The following LRRC49 variants were observed in gnomAD, a reference collection of about 807,000 sequenced individuals.
LRRC49 encodes the protein leucine rich repeat containing 49, also known as leucine-rich repeat-containing protein 49.
Under a neutral mutation model 83.3 loss-of-function variants are expected in LRRC49, and 50 were observed. That is an observed-to-expected ratio of 0.60 (90% CI 0.48 to 0.76). LRRC49 has a LOEUF of 0.76. Ranked by LOEUF, LRRC49 falls within the 30% of genes least tolerant of loss-of-function variation. The pLI is 0.00. For missense variants in LRRC49, 704 were observed against 809.1 expected, an observed-to-expected ratio of 0.87 and a Z score of 1.58; for synonymous variants, 286 against 283.3, an observed-to-expected ratio of 1.01 and a Z score of -0.10.
At chr15:70,864,800 C>T (rs1031894818) in intron 1 of LRRC49, among the ~76,000 whole-genome samples, 1 of 152,120 alleles carries the variant, frequency 6.6e-6, no homozygotes, top group African/African-American at 2.4e-5. Flanking sequence ...ATCTCAGTTT[C>T]AGTTTGGGTT....
intron 1 of LRRC49, chr15:70,859,776 A>G (rs1749977026): frequency 1.4e-6 from 1 of 738,860 alleles, no homozygotes; most frequent in Non-Finnish European, 2.5e-6. Flanking sequence ...AAGCTGTCCG[A>G]GCTGGAGGCC....
At chr15:70,965,012 C>G (rs2036744812) in intron 9 of LRRC49, among the ~76,000 whole-genome samples, 1 of 152,164 alleles carries the variant, frequency 6.6e-6, no homozygotes, top group East Asian at 1.9e-4. Flanking sequence ...GGTTCTGCCT[C>G]TCTCTCTATT....
intron 8 of LRRC49, among the ~76,000 whole-genome samples, chr15:70,955,938 T>A (rs1170165015): frequency 6.6e-6 from 1 of 152,190 alleles, no homozygotes; most frequent in Non-Finnish European, 1.5e-5. Flanking sequence ...GCTTGATGAT[T>A]TATTCTATTG....
At chr15:70,905,481 GAAAA>G (rs889323963) in intron 5 of LRRC49, among the ~76,000 whole-genome samples, 4 of 151,600 alleles carry the variant, frequency 2.6e-5, no homozygotes, top group African/African-American at 9.7e-5. Context: ...CTCGTTGCAG[GAAAA>G]AAAAGTATTA....
intron 15 of LRRC49, among the ~76,000 whole-genome samples, chr15:71,038,342 A>G (rs1007491651): frequency 1.3e-5 from 2 of 152,006 alleles, no homozygotes; most frequent in African/African-American, 4.8e-5. Flanking sequence ...ACAGTTTTGG[A>G]CCTCTTTATT....
intron 7 of LRRC49, among the ~76,000 whole-genome samples, chr15:70,930,334 T>A (rs2141148258): frequency 6.6e-6 from 1 of 152,216 alleles, no homozygotes; most frequent in South Asian, 2.1e-4. Context: ...GAAAGGAAAA[T>A]TTTTTCCTGA....
intron 2 of LRRC49, among the ~76,000 whole-genome samples, chr15:70,886,694 C>T (rs1430103010): frequency 1.3e-5 from 2 of 151,832 alleles, no homozygotes; most frequent in Non-Finnish European, 2.9e-5. Flanking sequence ...GGTGAAACCC[C>T]ATCACTACTA....
chr15:71,009,757 A>G (rs779219880), intron 12 of LRRC49, 50 bp from the exon 13 acceptor site: 4 of 1,260,016 alleles, frequency 3.2e-6, no homozygotes, highest in South Asian at 1.5e-5. Context: ...TAATATTTCA[A>G]TATGGTTAAA....
chr15:70,986,562 C>T (rs1388839881), intron 11 of LRRC49, among the ~76,000 whole-genome samples: 1 of 152,196 alleles, frequency 6.6e-6, no homozygotes, highest in Non-Finnish European at 1.5e-5. Flanking sequence ...TCTAGATATA[C>T]AATCATGTCA....
At chr15:70,867,910 G>C (rs2032946769) in intron 1 of LRRC49, among the ~76,000 whole-genome samples, 1 of 152,146 alleles carries the variant, frequency 6.6e-6, no homozygotes. Context: ...AGAGGTTGTG[G>C]GGTGAGGTGC....
intron 6 of LRRC49, among the ~76,000 whole-genome samples, chr15:70,915,020 A>T (rs1023572800): frequency 1.3e-5 from 2 of 152,236 alleles, no homozygotes; most frequent in African/African-American, 4.8e-5. Flanking sequence ...GCTTTCCAAC[A>T]TTCCCATCAT....
chr15:70,945,796 G>A (rs2035988320), intron 8 of LRRC49, among the ~76,000 whole-genome samples: 1 of 151,970 alleles, frequency 6.6e-6, no homozygotes, highest in Non-Finnish European at 1.5e-5. Flanking sequence ...TCCATAAGGA[G>A]GATACTTCTG....
chr15:71,035,292 G>T (rs1291761453), intron 14 of LRRC49, among the ~76,000 whole-genome samples: 5 of 151,904 alleles, frequency 3.3e-5, no homozygotes, highest in African/African-American at 9.7e-5. Flanking sequence ...AAAATTTATA[G>T]AAGAAGTTTG....
chr15:70,925,341 G>A (rs1244819065), intron 7 of LRRC49, among the ~76,000 whole-genome samples: 1 of 152,092 alleles, frequency 6.6e-6, no homozygotes, highest in Non-Finnish European at 1.5e-5. Flanking sequence ...TTTAATATTA[G>A]TGAGACAAAT....
At chr15:70,917,390 C>T (rs753010879) in intron 6 of LRRC49, among the ~76,000 whole-genome samples, 1 of 152,208 alleles carries the variant, frequency 6.6e-6, no homozygotes, top group Admixed American at 6.5e-5. Flanking sequence ...TTCCTCTACC[C>T]TGAAGCCCAT....
chr15:70,892,497 G>A, upstream of LRRC49: 1 of 1,527,030 alleles, frequency 6.5e-7, no homozygotes, highest in Non-Finnish European at 8.8e-7. Flanking sequence ...TGCTCCCCAG[G>A]AGCCAGTGGA....
upstream of LRRC49, among the ~76,000 whole-genome samples, chr15:70,887,474 A>G (rs2033440746): frequency 6.6e-6 from 1 of 152,152 alleles, no homozygotes; most frequent in Admixed American, 6.5e-5. Flanking sequence ...ACATTTTAAA[A>G]CCAATCAATA....
At chr15:70,894,152 T>C (rs2033720991) in intron 2 of LRRC49, among the ~76,000 whole-genome samples, 1 of 152,216 alleles carries the variant, frequency 6.6e-6, no homozygotes, top group East Asian at 1.9e-4. Flanking sequence ...TGCTTTGGCC[T>C]CCCAAAGTGC....
intron 11 of LRRC49, among the ~76,000 whole-genome samples, chr15:70,999,731 A>G (rs1227127219): frequency 6.6e-6 from 1 of 151,966 alleles, no homozygotes; most frequent in Admixed American, 6.5e-5. Context: ...TCAAAACTCT[A>G]TTCTCCCAGA....
Sources: gnomAD v4.1 joint callset for allele counts (sites outside exome capture counted in the v4.1 genomes callset) on GRCh38, gnomAD v4.1.1 for gene constraint, MANE v1.5 for transcripts, NCBI Gene and HGNC (gene_info 2026-07-23, HGNC 2026-07-21) for gene names.